Variants in ITGB6 observed in about 807,000 individuals in gnomAD.
The protein encoded by ITGB6 is integrin subunit beta 6.
In ITGB6, 80 loss-of-function variants were observed where a neutral mutation model predicts 84.5. The observed-to-expected ratio is 0.95, with a 90% CI of 0.79 to 1.14. ITGB6 has a LOEUF of 1.14. Among genes scored for constraint, ITGB6 ranks in the 50% most tolerant of loss-of-function variants. ITGB6 has a pLI of 0.00. For missense variants in ITGB6, 1,006 were observed against 968.0 expected, an observed-to-expected ratio of 1.04 and a Z score of -0.52; for synonymous variants, 383 against 354.9, an observed-to-expected ratio of 1.08 and a Z score of -0.89.
intron 8 of ITGB6, among the ~76,000 whole-genome samples, chr2:160,140,731 G>A (rs1293976009): frequency 6.6e-6 from 1 of 152,168 alleles, no homozygotes; most frequent in Non-Finnish European, 1.5e-5. Flanking sequence ...AATTTCTGAG[G>A]CTATCAGTAA....
In ITGB6 at chr2:160,195,449, T is replaced by A. The variant is rs377415826; in HGVS notation, c.513A>T (p.Arg171Ser). 31 of 1,614,090 alleles carry A rather than the reference T, an allele frequency of 1.9e-5. No homozygotes were observed. Among genetic ancestry groups the A allele is most frequent in the Non-Finnish European group, 2.5e-5 (30 of 1,180,012 alleles). ...TTTCCACAAAAGATCCGAAGCCCAG[T>A]CTAAAGTTGCTGGTTAATTTAGACA... ...KEMSKLTSNF[R>S]LGFGSFVEKP... Residue 171 changes from arginine (R) to serine (S), a missense_variant, in exon 4 of 15, where the codon AGA (arginine) becomes AGT (serine). Coordinates refer to ENST00000283249, the MANE Select transcript of ITGB6 (RefSeq NM_000888.5).
intron 7 of ITGB6, among the ~76,000 whole-genome samples, chr2:160,152,986 C>A (rs1684486882): frequency 6.6e-6 from 1 of 152,084 alleles, no homozygotes; most frequent in Non-Finnish European, 1.5e-5. Context: ...TAGGAAGAAT[C>A]AATATTGTGA....
Position 160,123,857 on chromosome 2 carries a change from C to T in ITGB6, c.1915G>A (p.Gly639Ser), listed in dbSNP as rs773414491. Residue 639 changes from glycine to serine, a missense_variant, in exon 12 of 15, where the codon GGC (glycine) becomes AGC (serine). Gly to Ser is a moderately conservative substitution (Grantham distance 56). Transcript: ENST00000283249. ...TCCACACATTCTTCTCGGGCTTGGC[C>T]AGCTGCTGACAGGTGGCACTCAATG... Reference protein sequence around the residue: ...SCIECHLSAAGQAREECVDKC... With the variant: ...SCIECHLSAASQAREECVDKC... The T allele has an allele frequency of 3.7e-6, 6 of 1,613,990 alleles. No individual in the cohort carries two copies. The highest frequency in any genetic ancestry group is 4.2e-6 in the Non-Finnish European group (5 of 1,179,950).
At chr2:160,160,129 C>T (rs910080037) in intron 7 of ITGB6, among the ~76,000 whole-genome samples, 5 of 152,162 alleles carry the variant, frequency 3.3e-5, no homozygotes, top group East Asian at 1.9e-4. Flanking sequence ...TGTCCATGGC[C>T]GCTTTCATGC....
intron 4 of ITGB6, among the ~76,000 whole-genome samples, chr2:160,184,704 G>C (rs905407110): frequency 6.6e-6 from 1 of 152,156 alleles, no homozygotes; most frequent in Non-Finnish European, 1.5e-5. Context: ...CAATATCCCT[G>C]ATGAACATTG....
At chr2:160,160,912 A>G (rs1684791944) in intron 7 of ITGB6, among the ~76,000 whole-genome samples, 1 of 152,216 alleles carries the variant, frequency 6.6e-6, no homozygotes, top group Non-Finnish European at 1.5e-5. Flanking sequence ...AAAGCGGAGA[A>G]GGGTAATTAC....
chr2:160,099,775 A>AGT lies in ITGB6; in HGVS notation c.*1959_*1960dup. 1 of 152,236 alleles carries AGT rather than the reference A, an allele frequency of 6.6e-6. No homozygotes were observed. The highest frequency in any genetic ancestry group is 2.4e-5 in the African/African-American group (1 of 41,452). 9.4% of individuals were successfully genotyped at this position (152,236 alleles called of 1,614,324 possible). ...GTAACATAACTCTTCAGTGAACAGA[A>AGT]GTACTACTGTTAATGTTTTGGCCTT... On this transcript the variant is annotated 3_prime_UTR_variant, in exon 15 of 15. Coordinates refer to ENST00000283249, the MANE Select transcript of ITGB6 (RefSeq NM_000888.5).
chr2:160,179,017 C>T (rs1436310642), intron 4 of ITGB6: 1 of 152,078 alleles, frequency 6.6e-6, no homozygotes, highest in African/African-American at 2.4e-5. Flanking sequence ...TTTGTTGTTA[C>T]TTTCTTAGCC....
intron 2 of ITGB6, 80 bp from the exon 3 acceptor site, chr2:160,196,500 T>C: frequency 8.2e-7 from 1 of 1,220,208 alleles, no homozygotes; most frequent in Non-Finnish European, 1.2e-6. Context: ...CAATTGAAAG[T>C]TTTTCTGCAC....
At chr2:160,141,305 A>G (rs1683991772) in intron 8 of ITGB6, among the ~76,000 whole-genome samples, 1 of 152,182 alleles carries the variant, frequency 6.6e-6, no homozygotes, top group South Asian at 2.1e-4. Context: ...ATTAAAAATA[A>G]TTGACAATGG....
chr2:160,155,823 G>A (rs1684603847), intron 7 of ITGB6, among the ~76,000 whole-genome samples: 1 of 152,158 alleles, frequency 6.6e-6, no homozygotes, highest in East Asian at 1.9e-4. Flanking sequence ...AAATAAGTAT[G>A]TGAAGTGTTC....
intron 10 of ITGB6, among the ~76,000 whole-genome samples, chr2:160,130,874 T>TGTAGGAA (rs1361855588): frequency 1.3e-5 from 2 of 152,192 alleles, no homozygotes; most frequent in East Asian, 3.8e-4. Context: ...TATTATTGCA[T>TGTAGGAA]GTAGGAAGTA....
At chr2:160,199,305 C>CTCATAAATGGAATGACTGAA in intron 1 of ITGB6, 47 bp from the exon 2 acceptor site, 3 of 1,435,618 alleles carry the variant, frequency 2.1e-6, no homozygotes, top group Non-Finnish European at 2.9e-6. Context: ...CACTTTCAGT[C>CTCATAAATGGAATGACTGAA]ATTCCATTTA....
intron 11 of ITGB6, among the ~76,000 whole-genome samples, chr2:160,125,580 T>A (rs1181993789): frequency 6.6e-6 from 1 of 152,162 alleles, no homozygotes. Flanking sequence ...AACCACTGAG[T>A]GAAAAATTGC....
Position 160,199,271 on chromosome 2 carries a change from C to T in ITGB6, c.62-13G>A, listed in dbSNP as rs541042842. 2 of 1,607,776 alleles carry T rather than the reference C, an allele frequency of 1.2e-6. No individual in the cohort carries two copies. The highest frequency in any genetic ancestry group is 1.1e-5 in the South Asian group (1 of 90,932). The stretch of plus-strand genomic sequence containing the variant: ...AGGGCACAGCCACCTAGGTTTAGAC[C>T]CAGCAAGATGCAGGGATTAAGTACA... On this transcript the variant is annotated splice_polypyrimidine_tract_variant and intron_variant, in intron 1 of 14. Transcript: ENST00000283249.
chr2:160,159,469 C>T (rs1365071560), intron 7 of ITGB6, among the ~76,000 whole-genome samples: 2 of 152,124 alleles, frequency 1.3e-5, no homozygotes, highest in African/African-American at 4.8e-5. Flanking sequence ...TGTCATATAC[C>T]TGTGACATCT....
intron 10 of ITGB6, 69 bp from the exon 11 acceptor site, chr2:160,126,670 A>G: frequency 7.0e-7 from 1 of 1,431,554 alleles, no homozygotes; most frequent in Non-Finnish European, 9.6e-7. Context: ...GGTGAGGGGC[A>G]TCTTTTCTCT....
intron 12 of ITGB6, among the ~76,000 whole-genome samples, chr2:160,120,630 C>A (rs1682987758): frequency 2.1e-5 from 1 of 46,630 alleles, no homozygotes; most frequent in South Asian, 5.4e-4. Flanking sequence ...AACAAACCTG[C>A]ACAATGTGCA....
intron 8 of ITGB6, among the ~76,000 whole-genome samples, chr2:160,139,264 A>C (rs1683893418): frequency 1.3e-5 from 2 of 152,234 alleles, no homozygotes; most frequent in South Asian, 4.1e-4. Context: ...CAAAAGTTTT[A>C]AGTCCACATA....
Sources: allele counts gnomAD v4.1 joint callset (sites outside exome capture counted in the v4.1 genomes callset), GRCh38; gene constraint gnomAD v4.1.1; transcripts MANE v1.5; gene names NCBI Gene and HGNC (gene_info 2026-07-23, HGNC 2026-07-21).